The following ATP13A4 variants were observed in gnomAD, a reference collection of about 807,000 sequenced individuals.
ATP13A4 encodes the protein probable cation-transporting ATPase 13A4.
In ATP13A4, 114 loss-of-function variants were observed where a neutral mutation model predicts 142.5. The observed-to-expected ratio is 0.80, with a 90% confidence interval of 0.69 to 0.93. The LOEUF (loss-of-function observed/expected upper bound fraction) is 0.93. Among genes scored for constraint, ATP13A4 ranks in the 40% least tolerant of loss-of-function variants. The probability of loss-of-function intolerance (pLI) is 0.00; values close to 1 mark genes in which losing one functional copy is unlikely to be tolerated. For missense variants in ATP13A4, 1,392 were observed against 1,454.0 expected (o/e 0.96, Z 0.69); for synonymous variants, 488 against 514.8 (o/e 0.95, Z 0.70).
rs1358321382 is a variant in ATP13A4 at position 193,399,631 on chromosome 3, G to A, written c.*3021C>T. Among the ~76,000 whole-genome samples, 3 of 151,988 alleles carry A rather than the reference G, an allele frequency of 2.0e-5. No individual in the cohort carries two copies. Among genetic ancestry groups the A allele is most frequent in the African/African-American group, 4.8e-5 (2 of 41,382 alleles). On this transcript the variant is annotated 3_prime_UTR_variant, in exon 30 of 30. Transcript: ENST00000342695. ...TGGGAGGCCGAGGCGGGCGGATCAC[G>A]AGGTCAGGAGATTGAAACCACCCTG...
chr3:193,469,517 T>C (rs183294669), intron 9 of ATP13A4, among the ~76,000 whole-genome samples: 1 of 152,182 alleles, frequency 6.6e-6, no homozygotes, highest in Admixed American at 6.5e-5. Flanking sequence ...TTCCAGCTAC[T>C]TGATGGAGGC....
At chr3:193,472,327 C>T (rs1416792819) in intron 8 of ATP13A4, among the ~76,000 whole-genome samples, 1 of 152,158 alleles carries the variant, frequency 6.6e-6, no homozygotes, top group Non-Finnish European at 1.5e-5. Context: ...TTATACACTC[C>T]CTGCTTGTCA....
intron 2 of ATP13A4, among the ~76,000 whole-genome samples, chr3:193,504,667 T>C (rs1265792387): frequency 6.6e-6 from 1 of 152,178 alleles, no homozygotes; most frequent in Non-Finnish European, 1.5e-5. Context: ...ATAATTTGAT[T>C]GGACTGCCAT....
chr3:193,502,762 AG>A, intron 2 of ATP13A4, 123 bp from the exon 3 acceptor site: 2 of 1,059,756 alleles, frequency 1.9e-6, no homozygotes, highest in Non-Finnish European at 2.8e-6. Context: ...TATTCTAGAC[AG>A]AACGGTTTGT....
chr3:193,446,007 T>C (rs954768917), intron 18 of ATP13A4, among the ~76,000 whole-genome samples: 1 of 150,716 alleles, frequency 6.6e-6, no homozygotes, highest in African/African-American at 2.4e-5. Flanking sequence ...TATAAAAAGA[T>C]ACAATCTAAA....
chr3:193,503,175 A>C (rs983775319), intron 2 of ATP13A4, among the ~76,000 whole-genome samples: 1 of 152,170 alleles, frequency 6.6e-6, no homozygotes, highest in African/African-American at 2.4e-5. Context: ...TCTCCCATTC[A>C]TGTGGAGCAC....
intron 1 of ATP13A4, among the ~76,000 whole-genome samples, chr3:193,527,031 G>C (rs543005205): frequency 6.6e-6 from 1 of 152,236 alleles, no homozygotes; most frequent in South Asian, 2.1e-4. Flanking sequence ...ATGAGTCCTT[G>C]GACCCATAGC....
intron 8 of ATP13A4, among the ~76,000 whole-genome samples, chr3:193,476,438 GCTT>G (rs1718971142): frequency 6.6e-6 from 1 of 152,104 alleles, no homozygotes; most frequent in Non-Finnish European, 1.5e-5. Context: ...ACTGGTTTGA[GCTT>G]CTATTCAGAC....
At chr3:193,592,570 T>C (rs1457603198) in intron 1 of ATP13A4, among the ~76,000 whole-genome samples, 1 of 152,190 alleles carries the variant, frequency 6.6e-6, no homozygotes, top group East Asian at 1.9e-4. Context: ...ACGAGGACCA[T>C]TTCAACAAAC....
At chr3:193,475,599 A>G (rs954475537) in intron 8 of ATP13A4, among the ~76,000 whole-genome samples, 5 of 151,858 alleles carry the variant, frequency 3.3e-5, no homozygotes, top group African/African-American at 1.2e-4. Context: ...TAGGAACCAG[A>G]CTCCCTGGAA....
chr3:193,501,151 T>C (rs1194165376), intron 3 of ATP13A4, among the ~76,000 whole-genome samples: 1 of 152,220 alleles, frequency 6.6e-6, no homozygotes, highest in African/African-American at 2.4e-5. Flanking sequence ...CTAAAGATGC[T>C]AGAATTTCAG....
At chr3:193,554,537 C>T in intron 1 of ATP13A4, 3 of 646,352 alleles carry the variant, frequency 4.6e-6, no homozygotes, top group Non-Finnish European at 8.1e-6. Flanking sequence ...TTCATTCTAG[C>T]AAATTTCTGC....
At chr3:193,410,945 C>T (rs1714734507) in intron 28 of ATP13A4, 37 bp downstream of exon 28, 1 of 1,285,498 alleles carries the variant, frequency 7.8e-7, no homozygotes, top group Non-Finnish European at 1.1e-6. Flanking sequence ...TGTTACATAA[C>T]TGTAAAGCAT....
At chr3:193,470,109 G>A (rs764035432) in intron 9 of ATP13A4, among the ~76,000 whole-genome samples, 3 of 152,168 alleles carry the variant, frequency 2.0e-5, no homozygotes, top group Non-Finnish European at 2.9e-5. Context: ...ATAAGAGTGC[G>A]TTCACAGCCT....
intron 2 of ATP13A4, among the ~76,000 whole-genome samples, chr3:193,575,155 T>C (rs936475142): frequency 1.3e-5 from 2 of 152,224 alleles, no homozygotes; most frequent in African/African-American, 4.8e-5. Flanking sequence ...GTTGTTGTTC[T>C]AAGCCACTAA....
rs748435122 is a variant in ATP13A4, at chr3:193,441,503, T to C, written c.2402A>G (p.His801Arg). 6.8e-6 allele frequency: 11 copies of C among 1,613,854 alleles called. No homozygotes were observed. In the Admixed American group the frequency reaches 1.2e-4, roughly 17 times the overall value. Residue 801 changes from histidine to arginine, a missense_variant, in exon 20 of 30, where the codon CAT (histidine) becomes CGT (arginine). By Grantham distance (29) the His-to-Arg change is conservative. Transcript: ENST00000342695. ...GCTGCTGAAATGTTGACTTATAACA[T>C]GAAAGGATTTTCCAGTTAGGGCAAA... ...YHFALTGKSFHVISQHFSSLL... is the reference protein window; with the variant it reads ...YHFALTGKSFRVISQHFSSLL...
intron 1 of ATP13A4, among the ~76,000 whole-genome samples, chr3:193,520,382 G>T (rs985226203): frequency 6.6e-6 from 1 of 152,246 alleles, no homozygotes; most frequent in Non-Finnish European, 1.5e-5. Flanking sequence ...ATTAGGAAAT[G>T]TTAAACTAGT....
intron 1 of ATP13A4, among the ~76,000 whole-genome samples, chr3:193,532,580 A>G (rs1560263301): frequency 6.6e-6 from 1 of 151,936 alleles, no homozygotes; most frequent in Non-Finnish European, 1.5e-5. Flanking sequence ...GCATTCTTGT[A>G]CAAAATTGAT....
At chr3:193,541,936 G>A (rs1722953220) in intron 1 of ATP13A4, among the ~76,000 whole-genome samples, 1 of 152,116 alleles carries the variant, frequency 6.6e-6, no homozygotes, top group African/African-American at 2.4e-5. Flanking sequence ...GGCTCCTTGT[G>A]AAGTATAACA....
Sources: allele counts gnomAD v4.1 joint callset (sites outside exome capture counted in the v4.1 genomes callset), GRCh38; gene constraint gnomAD v4.1.1; transcripts MANE v1.5; gene names NCBI Gene and HGNC (gene_info 2026-07-23, HGNC 2026-07-21).